ADAMTS19: variants seen among roughly 807,000 people sequenced by gnomAD.
The protein encoded by ADAMTS19 is A disintegrin and metalloproteinase with thrombospondin motifs 19.
A neutral mutation model predicts 153.3 loss-of-function variants in ADAMTS19; 93 were observed. That is an observed-to-expected ratio of 0.61 (90% confidence interval 0.51 to 0.72). The LOEUF (loss-of-function observed/expected upper bound fraction) is 0.72. ADAMTS19 is among the 30% of genes least tolerant of loss of function. The pLI is 0.00. For synonymous variants in ADAMTS19, 600 were observed against 556.6 expected (o/e 1.08, Z -1.10); for missense variants, 1,482 against 1,552.1 (o/e 0.95, Z 0.76).
chr5:129,596,777 A>C, intron 8 of ADAMTS19, 113 bp downstream of exon 8: 2 of 740,316 alleles, frequency 2.7e-6, no homozygotes, highest in Non-Finnish European at 4.4e-6. Context: ...GTTTTTGAAA[A>C]ACTAGGGAGA....
chr5:129,699,324 G>A (rs1437695552), intron 19 of ADAMTS19, among the ~76,000 whole-genome samples: 2 of 151,672 alleles, frequency 1.3e-5, no homozygotes, highest in Non-Finnish European at 2.9e-5. Flanking sequence ...TTGGGAGGCT[G>A]AGGCAGGAGA....
intron 6 of ADAMTS19, among the ~76,000 whole-genome samples, chr5:129,530,276 G>A (rs1752152956): frequency 6.6e-6 from 1 of 152,204 alleles, no homozygotes; most frequent in Admixed American, 6.6e-5. Flanking sequence ...GGATTTAGCA[G>A]ATTAATGTTG....
At chr5:129,535,065 A>G (rs1006431696) in intron 6 of ADAMTS19, among the ~76,000 whole-genome samples, 4 of 152,168 alleles carry the variant, frequency 2.6e-5, no homozygotes, top group African/African-American at 4.8e-5. Flanking sequence ...TCTGGCCAGG[A>G]CAGTCAGGCA....
chr5:129,649,313 T>G (rs1021063156), intron 13 of ADAMTS19, among the ~76,000 whole-genome samples: 11 of 152,062 alleles, frequency 7.2e-5, no homozygotes, highest in Non-Finnish European at 1.3e-4. Context: ...GTTTTGTAAA[T>G]AACTAAACAT....
chr5:129,712,570 A>G (rs1158350829), intron 21 of ADAMTS19, among the ~76,000 whole-genome samples: 4 of 152,148 alleles, frequency 2.6e-5, no homozygotes. Flanking sequence ...TCTTTGCACT[A>G]AAGAGAATGG....
At chr5:129,670,004 C>T (rs1019844797) in intron 16 of ADAMTS19, among the ~76,000 whole-genome samples, 2 of 152,074 alleles carry the variant, frequency 1.3e-5, no homozygotes, top group Non-Finnish European at 2.9e-5. Context: ...TCATCATATT[C>T]ACTAATTTCT....
At chr5:129,629,643 G>T (rs997760846) in intron 10 of ADAMTS19, among the ~76,000 whole-genome samples, 11 of 152,112 alleles carry the variant, frequency 7.2e-5, no homozygotes, top group African/African-American at 2.7e-4. Context: ...AGGCACAGAT[G>T]TAGAGATTCT....
intron 8 of ADAMTS19, among the ~76,000 whole-genome samples, chr5:129,616,834 GC>G (rs1490762239): frequency 6.6e-6 from 1 of 152,046 alleles, no homozygotes; most frequent in African/African-American, 2.4e-5. Flanking sequence ...GTACATTTCT[GC>G]TAAAAGAACA....
At chr5:129,626,455 T>C (rs1019867349) in intron 10 of ADAMTS19, among the ~76,000 whole-genome samples, 1 of 152,152 alleles carries the variant, frequency 6.6e-6, no homozygotes, top group African/African-American at 2.4e-5. Flanking sequence ...TATTTAGGTT[T>C]TTTAAATCTG....
chr5:129,712,168 G>T (rs1230232714), intron 21 of ADAMTS19, among the ~76,000 whole-genome samples: 1 of 152,028 alleles, frequency 6.6e-6, no homozygotes, highest in African/African-American at 2.4e-5. Context: ...TACAATTTTT[G>T]TAATTACAAA....
chr5:129,555,219 A>G lies in ADAMTS19; in HGVS notation c.1372+3312A>G, dbSNP rs568358145. ...TGATAACTTTAAGATGCTTCTCCCT[A>G]TTCTCCTAGGTATAGTAAGAGGAAA... On this transcript the variant is annotated intron_variant, in intron 7 of 22. Transcript: ENST00000274487. Among the ~76,000 whole-genome samples, 4 of 152,224 alleles carry G rather than the reference A, an allele frequency of 2.6e-5. No individual in the cohort carries two copies. The South Asian group carries it at 8.3e-4, about 32-fold the overall frequency.
At chr5:129,619,694 C>A (rs549396245) in intron 8 of ADAMTS19, among the ~76,000 whole-genome samples, 1 of 151,712 alleles carries the variant, frequency 6.6e-6, no homozygotes, top group Non-Finnish European at 1.5e-5. Flanking sequence ...GGTACAATAC[C>A]ATAAAAATTC....
chr5:129,605,227 A>G (rs1466544400), intron 8 of ADAMTS19, among the ~76,000 whole-genome samples: 1 of 152,196 alleles, frequency 6.6e-6, no homozygotes, highest in Non-Finnish European at 1.5e-5. Flanking sequence ...CTTTACTCAG[A>G]ACCTTCCAAG....
chr5:129,668,096 T>G (rs1754133453), intron 16 of ADAMTS19, among the ~76,000 whole-genome samples: 1 of 152,196 alleles, frequency 6.6e-6, no homozygotes, highest in African/African-American at 2.4e-5. Flanking sequence ...ATCCATTCCC[T>G]GCCTTTTCCA....
chr5:129,714,799 G>A (rs1756648080), intron 21 of ADAMTS19, among the ~76,000 whole-genome samples: 1 of 152,116 alleles, frequency 6.6e-6, no homozygotes. Context: ...TTTAAAAAAT[G>A]TTTAACAAAA....
At chr5:129,622,953 A>C (rs984937350) in intron 10 of ADAMTS19, among the ~76,000 whole-genome samples, 1 of 152,104 alleles carries the variant, frequency 6.6e-6, no homozygotes, top group Non-Finnish European at 1.5e-5. Flanking sequence ...TGGATGTGGA[A>C]ACTACAAACG....
At chr5:129,465,848 A>C (rs1474204102) in intron 2 of ADAMTS19, among the ~76,000 whole-genome samples, 2 of 152,370 alleles carry the variant, frequency 1.3e-5, no homozygotes, top group African/African-American at 2.4e-5. Context: ...AATATAAAGC[A>C]GTATTAGAAG....
chr5:129,616,521 C>A (rs1290240833), intron 8 of ADAMTS19, among the ~76,000 whole-genome samples: 1 of 152,004 alleles, frequency 6.6e-6, no homozygotes, highest in African/African-American at 2.4e-5. Context: ...TCAAAAGGGA[C>A]CATCTTCAAA....
At chr5:129,623,585 A>G (rs999594781) in intron 10 of ADAMTS19, among the ~76,000 whole-genome samples, 13 of 152,204 alleles carry the variant, frequency 8.5e-5, no homozygotes, top group Non-Finnish European at 1.5e-5. Flanking sequence ...ATGACATTAT[A>G]ATTTATTGAA....
Sources: allele counts gnomAD v4.1 joint callset (sites outside exome capture counted in the v4.1 genomes callset), GRCh38; gene constraint gnomAD v4.1.1; transcripts MANE v1.5; gene names NCBI Gene and HGNC (gene_info 2026-07-23, HGNC 2026-07-21).